Variants in ITSN2 observed in about 807,000 individuals in gnomAD.
ITSN2 encodes intersectin-2.
Under a neutral mutation model 243.7 loss-of-function variants are expected in ITSN2, and 156 were observed. That is an observed-to-expected ratio of 0.64 (90% CI 0.56 to 0.73). The LOEUF (loss-of-function observed/expected upper bound fraction) is 0.73, where lower values mean the gene tolerates loss of function less well. Ranked by LOEUF, ITSN2 falls within the 30% of genes least tolerant of loss-of-function variation. The pLI is 0.00. For missense variants in ITSN2, 1,801 were observed against 1,996.1 expected (o/e 0.90, Z 1.86); for synonymous variants, 703 against 699.9 (o/e 1.00, Z -0.07).
chr2:24,232,884 G>A (rs1202436674), intron 29 of ITSN2, among the ~76,000 whole-genome samples: 1 of 152,190 alleles, frequency 6.6e-6, no homozygotes, highest in African/African-American at 2.4e-5. Context: ...TATGCTTGGT[G>A]AACTGAATTC....
At chr2:24,284,700 A>G in intron 17 of ITSN2, 63 bp downstream of exon 17, 3 of 918,780 alleles carry the variant, frequency 3.3e-6, no homozygotes, top group Non-Finnish European at 5.4e-6. Flanking sequence ...AGAATAGTCT[A>G]GTTTTAAAAA....
At chr2:24,298,953 G>T in intron 12 of ITSN2, 139 bp from the exon 13 acceptor site, 15 of 490,970 alleles carry the variant, frequency 3.1e-5, no homozygotes, top group East Asian at 4.5e-5. Context: ...GGCAAATCTA[G>T]TTTTATTAAT....
At chr2:24,234,173 T>C (rs972218427) in intron 29 of ITSN2, among the ~76,000 whole-genome samples, 2 of 150,884 alleles carry the variant, frequency 1.3e-5, no homozygotes, top group African/African-American at 4.9e-5. Flanking sequence ...AATAGACCCA[T>C]ATAAATAGAG....
chr2:24,332,656 T>C (rs2151862848), intron 1 of ITSN2, among the ~76,000 whole-genome samples: 1 of 152,316 alleles, frequency 6.6e-6, no homozygotes, highest in Middle Eastern at 3.4e-3. Context: ...TTTTAAAACA[T>C]ATCATTTCAT....
At position 24,275,814 on chromosome 2, in the gene ITSN2, G is replaced by A. The variant is rs1220448290; in HGVS notation, c.1980C>T (p.Ala660=). ...GTTTGATCTTATAAAGCTGTTCAAG[G>A]GCTAACTGCTGTGTGTTGTAGGTTT... is the stretch of plus-strand genomic sequence containing the variant. ...LRETYNTQQL[A]LEQLYKIKRD... Residue 660 remains alanine, a synonymous_variant, in exon 18 of 40, where the codon GCC becomes GCT. Coordinates refer to ENST00000355123, the MANE Select transcript of ITSN2 (RefSeq NM_006277.3). 1.2e-6 allele frequency: 2 copies of A among 1,611,974 alleles called. No individual in the cohort carries two copies. Among genetic ancestry groups the A allele is most frequent in the South Asian group, 1.1e-5 (1 of 90,876 alleles).
Position 24,328,126 on chromosome 2 carries a change from A to C in ITSN2, c.-33-11T>G, listed in dbSNP as rs765144816. On this transcript the variant is annotated splice_polypyrimidine_tract_variant and intron_variant, in intron 1 of 39. Transcript: ENST00000355123. Reference sequence around the variant, plus strand: ...CTAGCTCTCAGCCATCTGCAACATAAAAATATTGTGCCGTTGATAATACAA... The same window carrying C: ...CTAGCTCTCAGCCATCTGCAACATACAAATATTGTGCCGTTGATAATACAA... 2.3e-5 allele frequency: 37 copies of C among 1,605,582 alleles called. No homozygotes were observed. In the South Asian group the frequency reaches 4.0e-4, roughly 17 times the overall value.
At chr2:24,247,858 G>A (rs892933427) in intron 27 of ITSN2, among the ~76,000 whole-genome samples, 3 of 151,926 alleles carry the variant, frequency 2.0e-5, no homozygotes, top group African/African-American at 4.8e-5. Context: ...CACTTAGTTC[G>A]GTCCATCTTC....
At chr2:24,280,550 G>A (rs1678641138) in intron 17 of ITSN2, among the ~76,000 whole-genome samples, 1 of 152,104 alleles carries the variant, frequency 6.6e-6, no homozygotes, top group Non-Finnish European at 1.5e-5. Context: ...TTTCTTGGCT[G>A]ATCCCTCCGG....
chr2:24,231,397 A>T (rs186037914), intron 29 of ITSN2, among the ~76,000 whole-genome samples: 1,786 of 152,298 alleles, frequency 0.012, 22 homozygotes, highest in Non-Finnish European at 0.019. Flanking sequence ...AGCAGTGTTG[A>T]CTACAGGCAG....
chr2:24,220,343 T>C (rs533236826), intron 30 of ITSN2: 2 of 985,454 alleles, frequency 2.0e-6, no homozygotes, highest in East Asian at 1.1e-4. Flanking sequence ...AGTCTTCTTT[T>C]GTTCACTCAA....
chr2:24,278,654 T>C (rs1396778180), intron 17 of ITSN2, among the ~76,000 whole-genome samples: 3 of 145,126 alleles, frequency 2.1e-5, no homozygotes, highest in African/African-American at 7.7e-5. Context: ...TCTTTTTTTT[T>C]TTTTTTTTTT....
chr2:24,212,552 G>T, intron 33 of ITSN2, 98 bp downstream of exon 33: 1 of 841,208 alleles, frequency 1.2e-6, no homozygotes. Flanking sequence ...TGTGCAGGGT[G>T]AGGTGGCATG....
Position 24,310,662 on chromosome 2 carries a change from G to C in ITSN2, c.383C>G (p.Pro128Arg), listed in dbSNP as rs756453174. ...AGGTGCAGCTGGAGGCAATGGCTGA[G>C]GAATGGACAGATTGGGCATGCTTCC... ...GMGSMPNLSI[P>R]QPLPPAAPIT... The change falls in exon 6 of 40, where the codon CCT (proline) becomes CGT (arginine). Residue 128 changes from proline (P) to arginine (R), a missense_variant. Physicochemically the swap from Pro to Arg is moderately radical, Grantham distance 103. Transcript: ENST00000355123. 6.2e-7 allele frequency: 1 copy of C among 1,614,116 alleles called. No homozygotes were observed. The highest frequency in any genetic ancestry group is 1.6e-4 in the Middle Eastern group (1 of 6,062).
At chr2:24,210,565 T>A (rs923767263) in intron 34 of ITSN2, among the ~76,000 whole-genome samples, 1 of 142,054 alleles carries the variant, frequency 7.0e-6, no homozygotes, top group Non-Finnish European at 1.5e-5. Flanking sequence ...TGAGCCGAGA[T>A]GATCTCGCCA....
rs778428106 is a variant in ITSN2, at chr2:24,216,033, C to G, written c.3990+16G>C. On this transcript the variant is annotated intron_variant, in intron 32 of 39. Coordinates refer to ENST00000355123, the MANE Select transcript of ITSN2 (RefSeq NM_006277.3). ...CTCAGAAGGAGCCTGACCCGCAAGGCCCAGAATGGAATTACCTTTAAAAAT... is the reference window on the plus strand; with the variant it reads ...CTCAGAAGGAGCCTGACCCGCAAGGGCCAGAATGGAATTACCTTTAAAAAT... 1.9e-5 allele frequency: 29 copies of G among 1,567,078 alleles called. No individual in the cohort carries two copies. The highest frequency in any genetic ancestry group is 2.4e-5 in the Non-Finnish European group (28 of 1,152,872).
chr2:24,233,344 G>GTGGC (rs1394938382), intron 29 of ITSN2, among the ~76,000 whole-genome samples: 5 of 152,004 alleles, frequency 3.3e-5, no homozygotes, highest in Admixed American at 1.3e-4. Flanking sequence ...CTGACTTCAG[G>GTGGC]TGGCTAATGG....
chr2:24,320,942 C>G (rs1216041731), intron 2 of ITSN2, among the ~76,000 whole-genome samples: 2 of 151,978 alleles, frequency 1.3e-5, no homozygotes, highest in Non-Finnish European at 2.9e-5. Flanking sequence ...AGACTTAGTC[C>G]CAGCCCGTTT....
chr2:24,295,220 A>G (rs2151624648), intron 14 of ITSN2, among the ~76,000 whole-genome samples: 1 of 152,344 alleles, frequency 6.6e-6, no homozygotes, highest in Middle Eastern at 3.4e-3. Flanking sequence ...CTGATATTGT[A>G]TACAGGATTG....
chr2:24,286,245 C>G lies in ITSN2; in HGVS notation c.1830G>C (p.Leu610=). ...GATTGTTAAAAGAATCCATTTCTGA[C>G]AGCTTAGATGCAGTTTCTTTTTCAA... ...DALEKETASK[L]SEMDSFNNQL... is the part of the protein sequence containing the mutation. Residue 610 remains leucine (L), a synonymous_variant, in exon 16 of 40, where the codon CTG becomes CTC. Coordinates refer to ENST00000355123, the MANE Select transcript of ITSN2 (RefSeq NM_006277.3). 1.3e-6 allele frequency: 2 copies of G among 1,599,224 alleles called. No individual in the cohort carries two copies. Among genetic ancestry groups the G allele is most frequent in the South Asian group, 2.2e-5 (2 of 89,758 alleles).
Sources: gnomAD v4.1 joint callset for allele counts (sites outside exome capture counted in the v4.1 genomes callset) on GRCh38, gnomAD v4.1.1 for gene constraint, MANE v1.5 for transcripts, NCBI Gene and HGNC (gene_info 2026-07-23, HGNC 2026-07-21) for gene names.